The following DIDO1 variants were observed in gnomAD, a reference collection of about 807,000 sequenced individuals.
DIDO1 encodes death-inducer obliterator 1.
A neutral mutation model predicts 99.4 loss-of-function variants in DIDO1; 16 were observed. That is an observed-to-expected ratio of 0.16 (90% CI 0.11 to 0.24). The LOEUF is 0.24. Among genes scored for constraint, DIDO1 ranks in the 10% least tolerant of loss-of-function variants. The pLI, the probability that DIDO1 is intolerant of heterozygous loss-of-function variation, is 1.00. For synonymous variants in DIDO1, 1,366 were observed against 1,239.1 expected (o/e 1.10, Z -2.15); for missense variants, 2,996 against 3,014.0 (o/e 0.99, Z 0.14).
intron 13 of DIDO1, 127 bp from the exon 14 acceptor site, chr20:62,892,203 C>A: frequency 1.3e-6 from 1 of 798,322 alleles, no homozygotes; most frequent in South Asian, 1.9e-5. Flanking sequence ...GGAAAAGAGT[C>A]ACACTTGTAT....
rs2064188972 is a variant in DIDO1 at position 62,880,855 on chromosome 20, C to T, written c.5101G>A (p.Glu1701Lys). The T allele has an allele frequency of 2.5e-6, 4 of 1,612,782 alleles. No individual in the cohort carries two copies. Among genetic ancestry groups the T allele is most frequent in the Non-Finnish European group, 3.4e-6 (4 of 1,179,988 alleles). ...QDKALGSAQY[E>K]DPRNLHSAGR... ...GCAGAATGAAGATTTCTTGGGTCCTCATACTGGGCTGAGCCGAGAGCCTTG... is the reference window on the plus strand; with the variant it reads ...GCAGAATGAAGATTTCTTGGGTCCTTATACTGGGCTGAGCCGAGAGCCTTG... Residue 1701 changes from glutamate to lysine, a missense_variant, in exon 16 of 16, where the codon GAG (glutamate) becomes AAG (lysine). Coordinates refer to ENST00000395343, the MANE Select transcript of DIDO1 (RefSeq NM_001193369.2).
chr20:62,889,663 T>A (rs2064359305), intron 15 of DIDO1: 1 of 985,276 alleles, frequency 1.0e-6, no homozygotes, highest in Admixed American at 6.2e-5. Flanking sequence ...CTCTCCCTGG[T>A]CACGTGGAGC....
intron 6 of DIDO1, among the ~76,000 whole-genome samples, chr20:62,903,145 A>C (rs1457174566): frequency 1.3e-5 from 2 of 152,272 alleles, no homozygotes; most frequent in East Asian, 3.8e-4. Context: ...AGCTAAATAA[A>C]CTGTATATAT....
In DIDO1 at chr20:62,881,074, C is replaced by T; in HGVS notation, c.4882G>A (p.Gly1628Arg). The change falls in exon 16 of 16, where the codon GGG (glycine) becomes AGG (arginine). Residue 1628 changes from glycine (G) to arginine (R), a missense_variant. This residue lies in a region of DIDO1 where 1,562 missense variants were observed against 1,412.6 expected (regional missense o/e 1.11). Transcript: ENST00000395343. The surrounding 1 kb of genome is among the most constrained non-coding windows in gnomAD (Gnocchi z 8.3). ...PWASGEKPPA[G>R]SEQDGWKAEP... ...GCCTTCCAGCCGTCCTGCTCGGACC[C>T]CGCTGGGGGCTTTTCGCCCGAAGCC... 6.2e-7 allele frequency: 1 copy of T among 1,608,768 alleles called. No individual in the cohort carries two copies. Among genetic ancestry groups the T allele is most frequent in the Non-Finnish European group, 8.5e-7 (1 of 1,179,364 alleles).
At chr20:62,931,946 T>C (rs1468424051) in intron 1 of DIDO1, among the ~76,000 whole-genome samples, 3 of 152,178 alleles carry the variant, frequency 2.0e-5, no homozygotes, top group South Asian at 2.1e-4. Flanking sequence ...AAAAACAAAA[T>C]GGTAAAACTG....
rs1373308307 is a variant in DIDO1, at chr20:62,881,661, G to T, written c.4295C>A (p.Thr1432Asn). The T allele has an allele frequency of 1.2e-6, 2 of 1,612,570 alleles. No homozygotes were observed. Among genetic ancestry groups the T allele is most frequent in the Non-Finnish European group, 1.7e-6 (2 of 1,180,020 alleles). The change falls in exon 16 of 16, where the codon ACC (threonine) becomes AAC (asparagine). Residue 1432 changes from threonine (T) to asparagine (N), a missense_variant. Physicochemically the swap from Thr to Asn is moderately conservative, Grantham distance 65. Transcript: ENST00000395343. This position sits in a 1 kb window ranked among gnomAD's most constrained non-coding sequence, Gnocchi z 8.3. Reference protein sequence around the residue: ...EEVAYDPEDETILEEAKVTVD... With the variant: ...EEVAYDPEDENILEEAKVTVD... ...AGTCACTTTCGCTTCTTCTAAGATG[G>T]TCTCATCCTCGGGGTCATAGGCCAC...
At chr20:62,888,194 G>A in intron 15 of DIDO1, 1 of 985,504 alleles carries the variant, frequency 1.0e-6, no homozygotes, top group Non-Finnish European at 1.2e-6. Context: ...ACACCACGCT[G>A]TCAAAACCCA....
At chr20:62,928,037 A>T (rs2065282821), upstream of DIDO1, among the ~76,000 whole-genome samples, 1 of 152,214 alleles carries the variant, frequency 6.6e-6, no homozygotes, top group South Asian at 2.1e-4. Flanking sequence ...GGCCCAGGTG[A>T]AGACCACATG....
intron 4 of DIDO1, among the ~76,000 whole-genome samples, chr20:62,907,566 C>T (rs894135002): frequency 3.9e-5 from 6 of 152,218 alleles, no homozygotes; most frequent in South Asian, 2.1e-4. Flanking sequence ...CCCGTCATGC[C>T]CTGCAGGGGG....
chr20:62,897,082 C>T, intron 6 of DIDO1, 86 bp from the exon 7 acceptor site: 3 of 1,211,338 alleles, frequency 2.5e-6, no homozygotes, highest in Non-Finnish European at 3.4e-6. Context: ...TACCCTTAAA[C>T]CTGTAAGTGC....
intron 13 of DIDO1, 107 bp downstream of exon 13, chr20:62,892,702 G>C: frequency 7.1e-7 from 1 of 1,399,218 alleles, no homozygotes; most frequent in East Asian, 2.4e-5. Context: ...AGGCATTTCT[G>C]TTTCTCTCCT....
Position 62,880,926 on chromosome 20 carries a change from T to C in DIDO1, c.5030A>G (p.Asp1677Gly). 1 of 1,609,794 alleles carries C rather than the reference T, an allele frequency of 6.2e-7. No individual in the cohort carries two copies. The highest frequency in any genetic ancestry group is 8.5e-7 in the Non-Finnish European group (1 of 1,179,854). ...GCAGGTGAAAGGGTCCCTCTCACCG[T>C]CGTGCTGCAGCGGGAAGCCGGGCTG... ...ALQPGFPLQH[D>G]GERDPFTCPG... is the part of the protein sequence containing the mutation. The change falls in exon 16 of 16, where the codon GAC becomes GGC. Residue 1677 changes from aspartate to glycine, a missense_variant. Physicochemically the swap from Asp to Gly is moderately conservative, Grantham distance 94 (BLOSUM62 -1). This residue lies in a region of DIDO1 where 1,562 missense variants were observed against 1,412.6 expected (regional missense o/e 1.11). Coordinates refer to ENST00000395343, the MANE Select transcript of DIDO1 (RefSeq NM_001193369.2).
rs2065351346 is a variant in DIDO1, at chr20:62,933,540, T to C, written c.-200+4256A>G. Reference sequence around the variant, plus strand: ...ATGGGAATAATGTGGTTTTGAAACATGGCTGATATCCTGGTTTTTAAACAT... The same window carrying C: ...ATGGGAATAATGTGGTTTTGAAACACGGCTGATATCCTGGTTTTTAAACAT... On this transcript the variant is annotated intron_variant, in intron 1 of 15. Coordinates refer to the DIDO1 transcript ENST00000266070. 1.3e-5 allele frequency among the ~76,000 whole-genome samples: 2 copies of C among 152,234 alleles called. 1 individual carries two copies. Among genetic ancestry groups the C allele is most frequent in the Non-Finnish European group, 2.9e-5 (2 of 68,036 alleles).
chr20:62,931,161 G>A (rs868066513), upstream of DIDO1, among the ~76,000 whole-genome samples: 7 of 152,084 alleles, frequency 4.6e-5, no homozygotes, highest in African/African-American at 7.2e-5. Flanking sequence ...GGCTGGTCTC[G>A]AACTCCAGGG....
chr20:62,922,286 C>A (rs1281046643), intron 1 of DIDO1, among the ~76,000 whole-genome samples: 1 of 151,562 alleles, frequency 6.6e-6, no homozygotes, highest in Non-Finnish European at 1.5e-5. Flanking sequence ...AGGTGTCTAC[C>A]TGGCCTGTGT....
Position 62,911,124 on chromosome 20 carries a change from C to T in DIDO1, c.489G>A (p.Glu163=). 1 of 1,614,110 alleles carries T rather than the reference C, an allele frequency of 6.2e-7. No homozygotes were observed. Among genetic ancestry groups the T allele is most frequent in the Admixed American group, 1.7e-5 (1 of 60,036 alleles). Reference sequence around the variant, plus strand: ...GCTTCCTGCGAAGGCGATTCTGAAGCTCTTTCAAGGTCAGGCCATCGCTGT... The same window carrying T: ...GCTTCCTGCGAAGGCGATTCTGAAGTTCTTTCAAGGTCAGGCCATCGCTGT... The part of the protein sequence containing the change: ...DSDSDGLTLK[E]LQNRLRRKRE... The change falls in exon 3 of 16, where the codon GAG becomes GAA. Residue 163 remains glutamate (E), a synonymous_variant. Coordinates refer to ENST00000395343, the MANE Select transcript of DIDO1 (RefSeq NM_001193369.2). The surrounding 1 kb of genome is among the most constrained non-coding windows in gnomAD (Gnocchi z 7.0).
chr20:62,934,454 C>T (rs2065362388), intron 1 of DIDO1, among the ~76,000 whole-genome samples: 1 of 152,204 alleles, frequency 6.6e-6, no homozygotes, highest in South Asian at 2.1e-4. Flanking sequence ...CCAGGCTCTT[C>T]TCTGGCGTTC....
upstream of DIDO1, among the ~76,000 whole-genome samples, chr20:62,930,810 A>G (rs73159270): frequency 6.6e-6 from 1 of 152,378 alleles, no homozygotes; most frequent in Non-Finnish European, 1.5e-5. Flanking sequence ...GTTACTCAAG[A>G]CAGCTGCAAT....
Position 62,895,129 on chromosome 20 carries a change from A to G in DIDO1, c.2251T>C (p.Leu751=), listed in dbSNP as rs2147408678. 1 of 1,612,102 alleles carries G rather than the reference A, an allele frequency of 6.2e-7. No homozygotes were observed. The highest frequency in any genetic ancestry group is 8.5e-7 in the Non-Finnish European group (1 of 1,178,288). ...FHRVLREEIS[L]AKLVRLKPEE... is the part of the protein sequence containing the mutation. ...GGCTTCAGTCTCACAAGTTTCGCCAAAGAGATTTCCTCACGCAGAACACGA... is the reference window on the plus strand; with the variant it reads ...GGCTTCAGTCTCACAAGTTTCGCCAGAGAGATTTCCTCACGCAGAACACGA... The change falls in exon 9 of 16, where the codon TTG becomes CTG. Residue 751 remains leucine (L), a synonymous_variant. Coordinates refer to ENST00000395343, the MANE Select transcript of DIDO1 (RefSeq NM_001193369.2).
Sources: gnomAD v4.1 joint callset for allele counts (sites outside exome capture counted in the v4.1 genomes callset) on GRCh38, gnomAD v4.1.1 for gene constraint, gnomAD v4.1.1 regional missense constraint, Gnocchi (gnomAD v3.1) non-coding constraint, MANE v1.5 for transcripts, NCBI Gene and HGNC (gene_info 2026-07-23, HGNC 2026-07-21) for gene names.